The following NWD1 variants were observed in gnomAD, a reference collection of about 807,000 sequenced individuals.
NWD1 encodes the protein NACHT and WD repeat domain containing 1.
In NWD1, 129 loss-of-function variants were observed where a neutral mutation model predicts 135.1. That is an observed-to-expected ratio of 0.96 (90% CI 0.83 to 1.11). NWD1 has a LOEUF of 1.11. Ranked by LOEUF, NWD1 falls within the 50% of genes least tolerant of loss-of-function variation. The pLI is 0.00. For missense variants in NWD1, 1,740 were observed against 1,851.3 expected, an observed-to-expected ratio of 0.94 and a Z score of 1.10; for synonymous variants, 773 against 786.0, an observed-to-expected ratio of 0.98 and a Z score of 0.28.
At chr19:16,771,754 C>T (rs778973967) in intron 10 of NWD1, among the ~76,000 whole-genome samples, 7 of 151,932 alleles carry the variant, frequency 4.6e-5, no homozygotes, top group Admixed American at 2.6e-4. Flanking sequence ...ACCATGTGCT[C>T]TCCGTACATC....
intron 4 of NWD1, among the ~76,000 whole-genome samples, chr19:16,738,566 C>CAA (rs770498066): frequency 0.046 from 4,216 of 91,354 alleles, 266 homozygotes; most frequent in African/African-American, 0.15. Context: ...GAGACTCTGT[C>CAA]AAAAAAAAAA....
chr19:16,809,307 G>C (rs189684954), intron 18 of NWD1, among the ~76,000 whole-genome samples: 28 of 151,908 alleles, frequency 1.8e-4, no homozygotes, highest in Non-Finnish European at 3.5e-4. Flanking sequence ...TGAACTCCTG[G>C]CCTCAAGTGA....
Position 16,797,862 on chromosome 19 carries a change from G to C in NWD1, c.3435G>C (p.Thr1145=). 1 of 1,613,946 alleles carries C rather than the reference G, an allele frequency of 6.2e-7. No homozygotes were observed. Among genetic ancestry groups the C allele is most frequent in the Non-Finnish European group, 8.5e-7 (1 of 1,179,896 alleles). ...VFGTENNLII[T]GSLDALIQVW... is the part of the protein sequence containing the mutation. Reference sequence around the variant, plus strand: ...GTACTGAGAACAACCTGATCATCACGGGGTCCCTTGATGCGCTCATTCAGG... The same window carrying C: ...GTACTGAGAACAACCTGATCATCACCGGGTCCCTTGATGCGCTCATTCAGG... The change falls in exon 16 of 19, where the codon ACG becomes ACC. Residue 1145 remains threonine, a synonymous_variant. Coordinates refer to ENST00000524140, the MANE Select transcript of NWD1 (RefSeq NM_001007525.5).
intron 11 of NWD1, among the ~76,000 whole-genome samples, chr19:16,777,430 A>G (rs1421058017): frequency 3.3e-4 from 1 of 3,036 alleles, no homozygotes. Context: ...GGAAAGGGGA[A>G]GGAAGGGAAG....
In NWD1 at chr19:16,791,610, C is replaced by A; in HGVS notation, c.3201C>A (p.Gly1067=). 1 of 1,614,108 alleles carries A rather than the reference C, an allele frequency of 6.2e-7. No homozygotes were observed. The highest frequency in any genetic ancestry group is 8.5e-7 in the Non-Finnish European group (1 of 1,179,976). Residue 1067 remains glycine, a synonymous_variant, in exon 14 of 19, where the codon GGC becomes GGA. Transcript: ENST00000524140. Reference sequence around the variant, plus strand: ...AGCTTGTTACCGGGTTTAGCAATGGCTCCATCTCTTTGGTAAGCACCTTTA... The same window carrying A: ...AGCTTGTTACCGGGTTTAGCAATGGATCCATCTCTTTGGTAAGCACCTTTA... The part of the protein sequence containing the change: ...QGKLVTGFSN[G]SISLVSSKGD...
rs1970249698 is a variant in NWD1, at chr19:16,791,597, G to A, written c.3188G>A (p.Gly1063Glu). Reference sequence around the variant, plus strand: ...CAGAAGCAAGGAAAGCTTGTTACCGGGTTTAGCAATGGCTCCATCTCTTTG... The same window carrying A: ...CAGAAGCAAGGAAAGCTTGTTACCGAGTTTAGCAATGGCTCCATCTCTTTG... ...SVQKQGKLVT[G>E]FSNGSISLVS... The change falls in exon 14 of 19, where the codon GGG (glycine) becomes GAG (glutamate). Residue 1063 changes from glycine to glutamate, a missense_variant. Gly to Glu is a moderately conservative substitution (Grantham distance 98, BLOSUM62 -2). Coordinates refer to ENST00000524140, the MANE Select transcript of NWD1 (RefSeq NM_001007525.5). 6.2e-7 allele frequency: 1 copy of A among 1,614,032 alleles called. No homozygotes were observed. The highest frequency in any genetic ancestry group is 1.3e-5 in the African/African-American group (1 of 74,932).
intron 12 of NWD1, among the ~76,000 whole-genome samples, chr19:16,780,181 A>T (rs1969806393): frequency 6.8e-6 from 1 of 146,474 alleles, no homozygotes; most frequent in African/African-American, 2.6e-5. Flanking sequence ...TTTGAGACGG[A>T]GTCTTGCTCT....
intron 6 of NWD1, among the ~76,000 whole-genome samples, chr19:16,757,240 C>T (rs1241266857): frequency 6.6e-6 from 1 of 152,078 alleles, no homozygotes; most frequent in Non-Finnish European, 1.5e-5. Flanking sequence ...TGCTGCCCTA[C>T]AACACACAGG....
At position 16,791,345 on chromosome 19, in the gene NWD1, A is replaced by G; in HGVS notation, c.2941-5A>G. The G allele has an allele frequency of 1.3e-5, 21 of 1,612,840 alleles. No individual in the cohort carries two copies. Among genetic ancestry groups the G allele is most frequent in the East Asian group, 2.2e-5 (1 of 44,846 alleles). On this transcript the variant is annotated splice_region_variant and splice_polypyrimidine_tract_variant and intron_variant, in intron 13 of 18. Coordinates refer to ENST00000524140, the MANE Select transcript of NWD1 (RefSeq NM_001007525.5). ...GATGCTGCTTCCTCTTCATTATTCTATTAGATCAATGCTTGGAATCTGGAA... is the reference window on the plus strand; with the variant it reads ...GATGCTGCTTCCTCTTCATTATTCTGTTAGATCAATGCTTGGAATCTGGAA...
intron 15 of NWD1, among the ~76,000 whole-genome samples, chr19:16,795,245 G>C (rs562435711): frequency 3.5e-4 from 53 of 152,284 alleles, no homozygotes; most frequent in Non-Finnish European, 7.4e-5. Flanking sequence ...TAGCAGGAGG[G>C]AGCATGTGAG....
At chr19:16,803,108 T>A (rs1354175034) in intron 17 of NWD1, among the ~76,000 whole-genome samples, 1 of 152,162 alleles carries the variant, frequency 6.6e-6, no homozygotes, top group Non-Finnish European at 1.5e-5. Context: ...CAAGAGAGTG[T>A]GTGCAGGGGA....
intron 17 of NWD1, among the ~76,000 whole-genome samples, chr19:16,804,547 A>G (rs1440653255): frequency 6.6e-6 from 1 of 151,072 alleles, no homozygotes; most frequent in Admixed American, 6.6e-5. Context: ...GTGAGCTATG[A>G]TAATGCCACT....
intron 12 of NWD1, among the ~76,000 whole-genome samples, chr19:16,787,214 C>T (rs537518255): frequency 6.6e-6 from 1 of 151,998 alleles, no homozygotes; most frequent in East Asian, 1.9e-4. Context: ...CCAGCCTCAA[C>T]CTCCTGCGCT....
At position 16,782,498 on chromosome 19, in the gene NWD1, G is replaced by A. The variant is rs1006212323; in HGVS notation, c.2731+3033G>A. 1.5e-4 allele frequency among the ~76,000 whole-genome samples: 23 copies of A among 151,684 alleles called. No individual in the cohort carries two copies. In the Admixed American group the frequency reaches 1.5e-3, roughly 10 times the overall value. On this transcript the variant is annotated intron_variant, in intron 12 of 18. Coordinates refer to ENST00000524140, the MANE Select transcript of NWD1 (RefSeq NM_001007525.5). ...CCAAACAAACAGAAAAATGGGTGGG[G>A]GTGGAGAAGGTCTAAAGAGCTGAAT...
chr19:16,814,997 C>T lies in NWD1; in HGVS notation c.4288-31C>T, dbSNP rs1397188948. ...GATTGGACCTCTACACCCCATTTTT[C>T]TCATTTGTGTCCTTCTCTTCACCCT... On this transcript the variant is annotated intron_variant, in intron 18 of 18. Coordinates refer to ENST00000524140, the MANE Select transcript of NWD1 (RefSeq NM_001007525.5). 6 of 1,599,754 alleles carry T rather than the reference C, an allele frequency of 3.8e-6. No homozygotes were observed. The Admixed American group carries it at 5.2e-5, about 14-fold the overall frequency.
intron 5 of NWD1, chr19:16,745,250 C>A: frequency 3.0e-6 from 1 of 335,424 alleles, no homozygotes; most frequent in Non-Finnish European, 5.9e-6. Flanking sequence ...GGGAAACTAT[C>A]CCCCATGATT....
chr19:16,723,045 C>T (rs574848050), intron 1 of NWD1, among the ~76,000 whole-genome samples: 120 of 152,164 alleles, frequency 7.9e-4, no homozygotes, highest in Middle Eastern at 3.4e-3. Flanking sequence ...GATGCCTCTT[C>T]CTGTGCCTGA....
chr19:16,740,372 G>T (rs1968029564), intron 4 of NWD1, among the ~76,000 whole-genome samples: 1 of 152,010 alleles, frequency 6.6e-6, no homozygotes, highest in Non-Finnish European at 1.5e-5. Context: ...GTCTCACTCT[G>T]TCACCCAGGC....
rs1318112949 is a variant in NWD1 at position 16,763,682 on chromosome 19, AATGGGCAC to A, written c.2134-140_2134-133del. ...GTCGTCCTCTGCTCCAGCCCTGACC[AATGGGCAC>A]ATGGGGGTATGTCTGTCTTCCATTG... is the stretch of plus-strand genomic sequence containing the variant. On this transcript the variant is annotated intron_variant, in intron 8 of 18. Coordinates refer to ENST00000524140, the MANE Select transcript of NWD1 (RefSeq NM_001007525.5). 4.8e-6 allele frequency: 3 copies of A among 626,592 alleles called. No individual in the cohort carries two copies. In the African/African-American group the frequency reaches 5.5e-5, roughly 11 times the overall value. The allele number at this position is 626,592 out of a possible 1,614,324, so 38.8% of individuals were successfully genotyped here. A position where few individuals can be genotyped will look rare whatever the true frequency, so the allele number is the denominator to read the frequency against.
Sources: allele counts gnomAD v4.1 joint callset (sites outside exome capture counted in the v4.1 genomes callset), GRCh38; gene constraint gnomAD v4.1.1; transcripts MANE v1.5; gene names NCBI Gene and HGNC (gene_info 2026-07-23, HGNC 2026-07-21).